The following FAM135B variants were observed in gnomAD, a reference collection of about 807,000 sequenced individuals.
FAM135B encodes family with sequence similarity 135 member B.
A neutral mutation model predicts 127.7 loss-of-function variants in FAM135B; 43 were observed. That is an observed-to-expected ratio of 0.34 (90% CI 0.26 to 0.43). The LOEUF (loss-of-function observed/expected upper bound fraction) is 0.43. FAM135B is among the 20% of genes least tolerant of loss of function. The pLI, the probability that FAM135B is intolerant of heterozygous loss-of-function variation, is 1.00. For synonymous variants in FAM135B, 670 were observed against 665.1 expected (o/e 1.01, Z -0.11); for missense variants, 1,558 against 1,725.6 (o/e 0.90, Z 1.72).
At chr8:138,305,116 T>C (rs1826145000) in intron 3 of FAM135B, among the ~76,000 whole-genome samples, 1 of 152,242 alleles carries the variant, frequency 6.6e-6, no homozygotes, top group South Asian at 2.1e-4. Flanking sequence ...TTGATTCATT[T>C]GAAGAATAAA....
chr8:138,231,669 G>A (rs1467341125), intron 7 of FAM135B, among the ~76,000 whole-genome samples: 1 of 152,142 alleles, frequency 6.6e-6, no homozygotes, highest in African/African-American at 2.4e-5. Flanking sequence ...GTCAGATCTG[G>A]AGTCACATCC....
At chr8:138,140,300 C>T (rs1817020665) in intron 17 of FAM135B, among the ~76,000 whole-genome samples, 1 of 152,160 alleles carries the variant, frequency 6.6e-6, no homozygotes, top group Non-Finnish European at 1.5e-5. Flanking sequence ...GTGGCAGAGG[C>T]CTGGAAGATT....
intron 7 of FAM135B, among the ~76,000 whole-genome samples, chr8:138,219,132 A>G (rs1009795651): frequency 2.0e-5 from 3 of 152,198 alleles, no homozygotes; most frequent in Non-Finnish European, 4.4e-5. Context: ...TATCTTCACT[A>G]CTGTTCATAG....
intron 2 of FAM135B, among the ~76,000 whole-genome samples, chr8:138,319,313 G>C (rs994720850): frequency 1.3e-5 from 2 of 152,066 alleles, no homozygotes; most frequent in Non-Finnish European, 2.9e-5. Flanking sequence ...CACCATGTTG[G>C]CCAGACTGGT....
At chr8:138,202,575 C>T (rs894125326) in intron 7 of FAM135B, among the ~76,000 whole-genome samples, 2 of 152,282 alleles carry the variant, frequency 1.3e-5, no homozygotes, top group East Asian at 1.9e-4. Flanking sequence ...TTCCCACTTA[C>T]TACCAATGTC....
chr8:138,238,161 A>G (rs1820447022), intron 7 of FAM135B, among the ~76,000 whole-genome samples: 1 of 152,212 alleles, frequency 6.6e-6, no homozygotes, highest in African/African-American at 2.4e-5. Context: ...ATGTCTCACC[A>G]CAAGGCTGCA....
intron 12 of FAM135B, among the ~76,000 whole-genome samples, chr8:138,163,674 C>T (rs1036379055): frequency 6.6e-5 from 10 of 152,204 alleles, no homozygotes; most frequent in Middle Eastern, 3.4e-3. Context: ...TCCCTAGCCA[C>T]GTGGAACTGT....
At chr8:138,332,566 AC>A (rs1195578141) in intron 2 of FAM135B, among the ~76,000 whole-genome samples, 2 of 151,458 alleles carry the variant, frequency 1.3e-5, no homozygotes, top group Non-Finnish European at 2.9e-5. Flanking sequence ...CTTCCTCACT[AC>A]CCCTCCATCT....
At chr8:138,283,665 T>C (rs186207567) in intron 3 of FAM135B, among the ~76,000 whole-genome samples, 1 of 151,984 alleles carries the variant, frequency 6.6e-6, no homozygotes, top group Admixed American at 6.6e-5. Context: ...TGGGAGATGT[T>C]GATAATGGGG....
intron 12 of FAM135B, among the ~76,000 whole-genome samples, chr8:138,165,412 G>A (rs184350103): frequency 0.014 from 2,113 of 152,158 alleles, 39 homozygotes; most frequent in Middle Eastern, 0.051. Context: ...GAGCCACTGT[G>A]ACTGGCCAAG....
At chr8:138,168,332 C>T (rs555008631) in intron 11 of FAM135B, among the ~76,000 whole-genome samples, 1 of 152,136 alleles carries the variant, frequency 6.6e-6, no homozygotes, top group East Asian at 1.9e-4. Flanking sequence ...ATAATAAATA[C>T]CACATTAGTG....
At chr8:138,383,756 G>T (rs1229495800) in intron 1 of FAM135B, among the ~76,000 whole-genome samples, 1 of 152,158 alleles carries the variant, frequency 6.6e-6, no homozygotes, top group Non-Finnish European at 1.5e-5. Context: ...TTCTTAAAAG[G>T]TAATAGACAC....
chr8:138,298,354 T>C (rs1256554743), intron 3 of FAM135B, among the ~76,000 whole-genome samples: 4 of 152,102 alleles, frequency 2.6e-5, no homozygotes, highest in East Asian at 1.9e-4. Context: ...AGACAATCTA[T>C]TCAAAGAAAA....
intron 1 of FAM135B, among the ~76,000 whole-genome samples, chr8:138,423,468 C>T (rs550510012): frequency 6.6e-6 from 1 of 152,184 alleles, no homozygotes; most frequent in East Asian, 1.9e-4. Flanking sequence ...GGGGAGACAT[C>T]ACATGTCGGT....
At chr8:138,360,352 C>T (rs971948098) in intron 2 of FAM135B, among the ~76,000 whole-genome samples, 10 of 152,172 alleles carry the variant, frequency 6.6e-5, no homozygotes, top group Admixed American at 5.2e-4. Flanking sequence ...TAATTGTTCA[C>T]TTAGAAAGTA....
intron 7 of FAM135B, among the ~76,000 whole-genome samples, chr8:138,204,036 G>A (rs1817366691): frequency 6.6e-6 from 1 of 152,170 alleles, no homozygotes; most frequent in Non-Finnish European, 1.5e-5. Flanking sequence ...GAGAGTGGCT[G>A]TAAATACACA....
chr8:138,390,452 C>T (rs532114153), intron 1 of FAM135B, among the ~76,000 whole-genome samples: 7 of 151,924 alleles, frequency 4.6e-5, no homozygotes, highest in South Asian at 2.1e-4. Context: ...GCCTCCCCAC[C>T]CACATGGAAC....
At chr8:138,423,300 C>T (rs543067476) in intron 1 of FAM135B, among the ~76,000 whole-genome samples, 1 of 152,166 alleles carries the variant, frequency 6.6e-6, no homozygotes, top group Non-Finnish European at 1.5e-5. Flanking sequence ...CCTTTGCTTT[C>T]TACTTAGGGA....
chr8:138,189,415 C>A (rs1178751294), intron 9 of FAM135B, among the ~76,000 whole-genome samples: 1 of 152,232 alleles, frequency 6.6e-6, no homozygotes, highest in Non-Finnish European at 1.5e-5. Flanking sequence ...TCGCGTACCA[C>A]AGGTGTGGAT....
Sources: gnomAD v4.1 joint callset for allele counts (sites outside exome capture counted in the v4.1 genomes callset) on GRCh38, gnomAD v4.1.1 for gene constraint, MANE v1.5 for transcripts, NCBI Gene and HGNC (gene_info 2026-07-23, HGNC 2026-07-21) for gene names.